The following RGS8 variants were observed in gnomAD, a reference collection of about 807,000 sequenced individuals.
RGS8 encodes regulator of G-protein signaling 8.
In RGS8, 8 loss-of-function variants were observed where a neutral mutation model predicts 21.7. That is an observed-to-expected ratio of 0.37 (90% confidence interval 0.22 to 0.66). The LOEUF (loss-of-function observed/expected upper bound fraction) is 0.66. Among genes scored for constraint, RGS8 ranks in the 30% least tolerant of loss-of-function variants. The pLI, the probability that RGS8 is intolerant of heterozygous loss-of-function variation, is 0.59. For synonymous variants in RGS8, 80 were observed against 83.6 expected (o/e 0.96, Z 0.24); for missense variants, 157 against 217.9 (o/e 0.72, Z 1.76).
chr1:182,720,742 C>A, the RGS8 span, among the ~76,000 whole-genome samples: 1 of 151,882 alleles, frequency 6.6e-6, no homozygotes, highest in Non-Finnish European at 1.5e-5. Flanking sequence ...CATCAATATC[C>A]TTCCTCCAGC....
chr1:182,642,219 T>G (rs1662497570), downstream of RGS8: 1 of 152,298 alleles, frequency 6.6e-6, no homozygotes, highest in Admixed American at 6.5e-5. Context: ...AAGGCATCCC[T>G]GCTCTTGGCT....
the RGS8 span, among the ~76,000 whole-genome samples, chr1:182,735,984 A>T: frequency 6.6e-6 from 1 of 152,180 alleles, no homozygotes; most frequent in African/African-American, 2.4e-5. Context: ...CCATTTGATT[A>T]TGTCTGTCAT....
chr1:182,689,292 CACACACACACA>C (rs1664773244), upstream of RGS8, among the ~76,000 whole-genome samples: 1 of 150,398 alleles, frequency 6.6e-6, no homozygotes, highest in African/African-American at 2.5e-5. Context: ...CACACACACA[CACACACACACA>C]CACCCCACAA....
intron 5 of RGS8, among the ~76,000 whole-genome samples, chr1:182,651,744 C>T (rs960301333): frequency 2.6e-5 from 4 of 152,202 alleles, no homozygotes; most frequent in Non-Finnish European, 1.5e-5. Flanking sequence ...GCCTGCCTGC[C>T]AGGAGATCCC....
the RGS8 span, among the ~76,000 whole-genome samples, chr1:182,724,870 A>C: frequency 6.6e-6 from 1 of 152,110 alleles, no homozygotes; most frequent in Non-Finnish European, 1.5e-5. Flanking sequence ...GGCTAAACTT[A>C]ATTTAACAAT....
upstream of RGS8, among the ~76,000 whole-genome samples, chr1:182,675,751 C>A (rs1181494238): frequency 6.6e-6 from 1 of 152,134 alleles, no homozygotes; most frequent in African/African-American, 2.4e-5. Flanking sequence ...TCAGAAGGAA[C>A]CCCCTCCATC....
chr1:182,667,567 C>A (rs1385244363), intron 3 of RGS8, among the ~76,000 whole-genome samples: 1 of 152,226 alleles, frequency 6.6e-6, no homozygotes, highest in Admixed American at 6.5e-5. Flanking sequence ...TTGGTACAAT[C>A]AGCAATTAAG....
intron 5 of RGS8, among the ~76,000 whole-genome samples, chr1:182,648,579 C>CA (rs929869344): frequency 3.3e-5 from 5 of 149,972 alleles, no homozygotes; most frequent in East Asian, 2.0e-4. Context: ...ACTAAAAATA[C>CA]AAAAAAAATT....
At chr1:182,690,880 T>A in the RGS8 span, among the ~76,000 whole-genome samples, 1 of 152,186 alleles carries the variant, frequency 6.6e-6, no homozygotes, top group Non-Finnish European at 1.5e-5. Flanking sequence ...GCAAACAGGA[T>A]GCAAGTAGAC....
At chr1:182,734,508 T>C in the RGS8 span, 8 of 152,214 alleles carry the variant, frequency 5.3e-5, no homozygotes, top group African/African-American at 1.9e-4. Context: ...AAGACGGTTG[T>C]AAACTTCTTT....
rs553970078 is a variant in RGS8 at position 182,649,427 on chromosome 1, A to G, written c.194-1124T>C. The stretch of plus-strand genomic sequence containing the variant: ...GGACGGGGTTGCAAGCCTCTTTTAA[A>G]AAAAACCTTTGAGGTGCTGTATTTT... On this transcript the variant is annotated intron_variant, in intron 5 of 6. Transcript: ENST00000483095. Among the ~76,000 whole-genome samples the G allele has an allele frequency of 1.1e-3, 174 of 152,336 alleles. 1 individual carries two copies. Among genetic ancestry groups the G allele is most frequent in the African/African-American group, 3.9e-3 (164 of 41,578 alleles).
intron 5 of RGS8, among the ~76,000 whole-genome samples, chr1:182,660,336 A>C (rs550937482): frequency 6.6e-6 from 1 of 152,148 alleles, no homozygotes; most frequent in South Asian, 2.1e-4. Flanking sequence ...GTTTTCATTC[A>C]TACCTTTCTC....
the RGS8 span, among the ~76,000 whole-genome samples, chr1:182,724,318 G>T: frequency 7.1e-5 from 10 of 141,006 alleles, no homozygotes; most frequent in Non-Finnish European, 1.5e-4. Flanking sequence ...AAAGGAAAAA[G>T]GACAGAAAAA....
At chr1:182,656,105 T>C (rs1307977379) in intron 5 of RGS8, among the ~76,000 whole-genome samples, 1 of 152,198 alleles carries the variant, frequency 6.6e-6, no homozygotes, top group Admixed American at 6.5e-5. Context: ...AGTCAATAAG[T>C]GTTAGCTCTT....
At chr1:182,675,916 C>G (rs1269454738), upstream of RGS8, among the ~76,000 whole-genome samples, 1 of 152,152 alleles carries the variant, frequency 6.6e-6, no homozygotes, top group Non-Finnish European at 1.5e-5. Context: ...TTCTCATTAA[C>G]TCACAGAGAG....
intron 5 of RGS8, among the ~76,000 whole-genome samples, chr1:182,653,663 C>A (rs976868908): frequency 2.6e-5 from 4 of 151,998 alleles, no homozygotes; most frequent in Admixed American, 6.6e-5. Flanking sequence ...CACTGCATTC[C>A]AGCCCGGGCA....
chr1:182,661,402 C>T (rs1348090119), intron 5 of RGS8, among the ~76,000 whole-genome samples: 1 of 151,982 alleles, frequency 6.6e-6, no homozygotes, highest in African/African-American at 2.4e-5. Flanking sequence ...GCTGTGTGGT[C>T]ACACATAAGA....
chr1:182,650,031 C>T (rs146268684), intron 5 of RGS8, among the ~76,000 whole-genome samples: 6,282 of 152,074 alleles, frequency 0.041, 211 homozygotes, highest in East Asian at 0.13. Flanking sequence ...CCTGCCTCAG[C>T]CTCCCAAATA....
chr1:182,719,745 G>C, the RGS8 span, among the ~76,000 whole-genome samples: 1 of 149,670 alleles, frequency 6.7e-6, no homozygotes, highest in Non-Finnish European at 1.5e-5. Context: ...CATTTACATA[G>C]ACTGGGGAGA....
Sources: allele counts gnomAD v4.1 joint callset (sites outside exome capture counted in the v4.1 genomes callset), GRCh38; gene constraint gnomAD v4.1.1; transcripts MANE v1.5; gene names NCBI Gene and HGNC (gene_info 2026-07-23, HGNC 2026-07-21).